Variants in CUX2 observed in about 807,000 individuals in gnomAD.
The protein encoded by CUX2 is cut like homeobox 2.
In CUX2, 40 loss-of-function variants were observed where a neutral mutation model predicts 144.8. The ratio of observed to expected loss-of-function variants is 0.28; its 90% CI spans 0.21 to 0.36. The LOEUF (loss-of-function observed/expected upper bound fraction) is 0.36. CUX2 is among the 10% of genes least tolerant of loss of function. CUX2 has a pLI of 1.00. For missense variants in CUX2, 1,615 were observed against 1,994.0 expected (o/e 0.81, Z 3.62); for synonymous variants, 827 against 875.6 (o/e 0.94, Z 0.98).
At chr12:111,238,235 A>G (rs1308501651) in intron 3 of CUX2, among the ~76,000 whole-genome samples, 1 of 152,248 alleles carries the variant, frequency 6.6e-6, no homozygotes, top group Non-Finnish European at 1.5e-5. Flanking sequence ...TTACTCACAT[A>G]GTACTTGTCC....
chr12:111,096,212 C>A (rs1160826821), intron 1 of CUX2, among the ~76,000 whole-genome samples: 1 of 152,180 alleles, frequency 6.6e-6, no homozygotes, highest in Non-Finnish European at 1.5e-5. Context: ...TTCTTGCCAA[C>A]AGCCTAGAGA....
intron 4 of CUX2, among the ~76,000 whole-genome samples, chr12:111,275,992 T>C (rs1884854916): frequency 1.3e-5 from 2 of 152,204 alleles, no homozygotes. Flanking sequence ...CTACTTATGA[T>C]ACAAGATCCC....
At chr12:111,328,982 T>TCTCCCCCCC (rs1887964205) in intron 18 of CUX2, among the ~76,000 whole-genome samples, 1 of 78,226 alleles carries the variant, frequency 1.3e-5, no homozygotes, top group Non-Finnish European at 2.3e-5. Context: ...TCTCCCCCTC[T>TCTCCCCCCC]CTCCCTCTCT....
chr12:111,051,226 G>A (rs1870248354), intron 1 of CUX2, among the ~76,000 whole-genome samples: 2 of 152,184 alleles, frequency 1.3e-5, no homozygotes, highest in South Asian at 4.1e-4. Context: ...TGCTCAGCAT[G>A]GACTGGTCAC....
At chr12:111,282,246 T>G (rs1480178608) in intron 4 of CUX2, among the ~76,000 whole-genome samples, 1 of 147,114 alleles carries the variant, frequency 6.8e-6, no homozygotes, top group East Asian at 2.0e-4. Flanking sequence ...GGTGTGAACC[T>G]GGGAGGCAGA....
chr12:111,103,321 G>A (rs1170037138), intron 1 of CUX2, among the ~76,000 whole-genome samples: 1 of 152,198 alleles, frequency 6.6e-6, no homozygotes, highest in East Asian at 1.9e-4. Flanking sequence ...TTGCAGAGTT[G>A]TTCCTGGGTG....
chr12:111,042,796 CT>C (rs770921301), intron 1 of CUX2, among the ~76,000 whole-genome samples: 4,426 of 138,690 alleles, frequency 0.032, 157 homozygotes, highest in African/African-American at 0.091. Flanking sequence ...CCACGCCTGG[CT>C]TTTTTTTTTT....
At chr12:111,269,308 T>A (rs1462429561) in intron 4 of CUX2, among the ~76,000 whole-genome samples, 3 of 152,196 alleles carry the variant, frequency 2.0e-5, no homozygotes, top group Non-Finnish European at 4.4e-5. Context: ...GAAATAAGAC[T>A]CAGCAGCAAA....
intron 1 of CUX2, among the ~76,000 whole-genome samples, chr12:111,079,603 C>A (rs1300726751): frequency 6.6e-6 from 1 of 152,148 alleles, no homozygotes; most frequent in Non-Finnish European, 1.5e-5. Flanking sequence ...CAAGATTTTT[C>A]CTGGCACGAG....
intron 4 of CUX2, among the ~76,000 whole-genome samples, chr12:111,269,950 A>T (rs3809283): frequency 0.2 from 30,684 of 152,118 alleles, 3,415 homozygotes; most frequent in East Asian, 0.43. Flanking sequence ...ACTGATGGAG[A>T]CGTACCATAC....
chr12:111,191,925 G>T (rs1879915534), intron 1 of CUX2, among the ~76,000 whole-genome samples: 1 of 152,136 alleles, frequency 6.6e-6, no homozygotes, highest in South Asian at 2.1e-4. Flanking sequence ...TGGGGAGCAG[G>T]AGTCAGTCTC....
chr12:111,347,803 C>G lies in CUX2; in HGVS notation c.3939C>G (p.Ser1313Arg). ...MEEDAEEEAG[S>R]QPQDSGELDK... ...AGGATGCTGAGGAAGAGGCAGGCAGCCAGCCCCAGGACTCAGGGGAGCTGG... is the reference window on the plus strand; with the variant it reads ...AGGATGCTGAGGAAGAGGCAGGCAGGCAGCCCCAGGACTCAGGGGAGCTGG... The change falls in exon 22 of 22, where the codon AGC (serine) becomes AGG (arginine). Residue 1313 changes from serine (S) to arginine (R), a missense_variant. By Grantham distance (110) the Ser-to-Arg change is moderately radical. Transcript: ENST00000261726. 3 of 1,613,982 alleles carry G rather than the reference C, an allele frequency of 1.9e-6. No homozygotes were observed. Among genetic ancestry groups the G allele is most frequent in the Non-Finnish European group, 8.5e-7 (1 of 1,179,946 alleles).
intron 12 of CUX2, 94 bp from the exon 13 acceptor site, chr12:111,308,191 G>T: frequency 2.9e-6 from 4 of 1,373,084 alleles, no homozygotes; most frequent in South Asian, 1.2e-5. Context: ...AGCAGTCATT[G>T]TCAGGGAGGT....
intron 16 of CUX2, among the ~76,000 whole-genome samples, chr12:111,318,324 C>T (rs926636533): frequency 6.1e-5 from 9 of 147,530 alleles, no homozygotes; most frequent in African/African-American, 2.3e-4. Context: ...TCCTGGGCTC[C>T]AGTAATCCTC....
intron 9 of CUX2, among the ~76,000 whole-genome samples, chr12:111,301,548 A>G (rs1045206453): frequency 6.6e-6 from 1 of 151,704 alleles, no homozygotes; most frequent in Non-Finnish European, 1.5e-5. Context: ...GACAGGGTCC[A>G]GCTCTGTCAC....
chr12:111,052,483 A>G (rs1270066808), intron 1 of CUX2, among the ~76,000 whole-genome samples: 1 of 151,540 alleles, frequency 6.6e-6, no homozygotes, highest in Non-Finnish European at 1.5e-5. Flanking sequence ...TGTGAGTGTA[A>G]TGTGAGTGTA....
At position 111,322,998 on chromosome 12, in the gene CUX2, G is replaced by A. The variant is rs1438805044; in HGVS notation, c.2926+418G>A. 6.6e-6 allele frequency among the ~76,000 whole-genome samples: 1 copy of A among 152,226 alleles called. No individual in the cohort carries two copies. Among genetic ancestry groups the A allele is most frequent in the African/African-American group, 2.4e-5 (1 of 41,458 alleles). On this transcript the variant is annotated intron_variant, in intron 18 of 21. Transcript: ENST00000261726. The surrounding 1 kb of genome is among the most constrained non-coding windows in gnomAD (Gnocchi z 4.2). ...ACAGGGCCTTGGGCAGTGCCACCCA[G>A]CTGCCCATGATAGCACGAGCAGGCT...
At chr12:111,276,927 G>A (rs1282004462) in intron 4 of CUX2, among the ~76,000 whole-genome samples, 2 of 152,180 alleles carry the variant, frequency 1.3e-5, no homozygotes, top group Non-Finnish European at 1.5e-5. Context: ...GATTACAGGC[G>A]TGAGCCACCG....
intron 1 of CUX2, among the ~76,000 whole-genome samples, chr12:111,069,533 T>TGTGTGTGTGTGTGTGCGCGCGCGCGC (rs1555266236): frequency 6.8e-6 from 1 of 148,138 alleles, no homozygotes; most frequent in South Asian, 2.2e-4. Flanking sequence ...TGTGTGTGTG[T>TGTGTGTGTGTGTGTGCGCGCGCGCGC]GTGTGTGTGT....
Sources: allele counts gnomAD v4.1 joint callset (sites outside exome capture counted in the v4.1 genomes callset), GRCh38; gene constraint gnomAD v4.1.1; non-coding constraint Gnocchi (gnomAD v3.1); transcripts MANE v1.5; gene names NCBI Gene and HGNC (gene_info 2026-07-23, HGNC 2026-07-21).